UBE2U: variants seen among roughly 807,000 people sequenced by gnomAD.
The protein encoded by UBE2U is ubiquitin-conjugating enzyme E2 U.
A neutral mutation model predicts 41.2 loss-of-function variants in UBE2U; 39 were observed. That is an observed-to-expected ratio of 0.95 (90% CI 0.73 to 1.24). The LOEUF is 1.24. UBE2U is among the 50% of genes most tolerant of loss of function. The pLI, the probability that UBE2U is intolerant of heterozygous loss-of-function variation, is 0.00. For missense variants in UBE2U, 336 were observed against 363.1 expected (o/e 0.93, Z 0.61); for synonymous variants, 107 against 117.8 (o/e 0.91, Z 0.60).
At chr1:64,206,125 T>C (rs1279002342) in intron 2 of UBE2U, among the ~76,000 whole-genome samples, 1 of 152,166 alleles carries the variant, frequency 6.6e-6, no homozygotes, top group Non-Finnish European at 1.5e-5. Context: ...TCCCCCAAAT[T>C]TTCATAAATC....
chr1:64,266,555 A>G (rs1051565077), intron 9 of UBE2U, among the ~76,000 whole-genome samples: 1 of 152,202 alleles, frequency 6.6e-6, no homozygotes, highest in Non-Finnish European at 1.5e-5. Context: ...GCGCGGGAGA[A>G]TCCATTCTGA....
chr1:64,204,335 T>G (rs1651155130), intron 1 of UBE2U, among the ~76,000 whole-genome samples: 1 of 152,224 alleles, frequency 6.6e-6, no homozygotes, highest in Non-Finnish European at 1.5e-5. Context: ...GAACATATTA[T>G]GCAGAGTAAT....
At chr1:64,263,218 T>C (rs946904537) in intron 9 of UBE2U, among the ~76,000 whole-genome samples, 1 of 152,182 alleles carries the variant, frequency 6.6e-6, no homozygotes, top group Non-Finnish European at 1.5e-5. Flanking sequence ...AATTTGATTA[T>C]TGTTCAGAAA....
chr1:64,228,413 C>G (rs1452928987), intron 6 of UBE2U, among the ~76,000 whole-genome samples: 1 of 152,128 alleles, frequency 6.6e-6, no homozygotes, highest in Non-Finnish European at 1.5e-5. Flanking sequence ...TGGACCCAAA[C>G]TTTGATGAGT....
chr1:64,239,045 AAAGAAGAAGAAGAAGAAG>A (rs552575122), intron 7 of UBE2U, among the ~76,000 whole-genome samples: 1 of 116,240 alleles, frequency 8.6e-6, no homozygotes. Context: ...CCCATCTCAA[AAAGAAGAAGAAGAAGAAG>A]AAGAGGAAGA....
At chr1:64,263,844 C>T (rs964842399) in intron 9 of UBE2U, among the ~76,000 whole-genome samples, 3 of 152,202 alleles carry the variant, frequency 2.0e-5, no homozygotes, top group African/African-American at 7.2e-5. Context: ...CACAGCCTCA[C>T]TTCACAGACA....
chr1:64,239,137 A>AG lies in UBE2U; in HGVS notation c.596-2514dup, dbSNP rs1557730449. On this transcript the variant is annotated intron_variant, in intron 7 of 9. Transcript: ENST00000371077. ...AAGAAGAAGAAGAAGAAGAAGAAGA[A>AG]GAAGAAGAAGAAGAAGAAGAAAGAA... Among the ~76,000 whole-genome samples, 57 of 28,426 alleles carry AG rather than the reference A, an allele frequency of 2.0e-3. 1 individual carries two copies. Among genetic ancestry groups the AG allele is most frequent in the Non-Finnish European group, 2.5e-3 (41 of 16,132 alleles). 18.6% of individuals were successfully genotyped at this position (28,426 alleles called of 152,430 possible). A position where few individuals can be genotyped will look rare whatever the true frequency, so the allele number is the denominator to read the frequency against.
intron 8 of UBE2U, among the ~76,000 whole-genome samples, chr1:64,246,546 T>C (rs975720190): frequency 6.6e-6 from 1 of 151,978 alleles, no homozygotes; most frequent in Non-Finnish European, 1.5e-5. Context: ...ACAAGTGAAT[T>C]AGCATTAGAA....
At chr1:64,205,943 T>C (rs1326121694) in intron 2 of UBE2U, among the ~76,000 whole-genome samples, 3 of 152,152 alleles carry the variant, frequency 2.0e-5, no homozygotes, top group Admixed American at 2.0e-4. Flanking sequence ...AAATTTGGGG[T>C]ATTTTTCTTT....
chr1:64,253,993 A>G (rs996939556), intron 8 of UBE2U, among the ~76,000 whole-genome samples: 11 of 152,296 alleles, frequency 7.2e-5, no homozygotes, highest in African/African-American at 2.2e-4. Context: ...GCCAAGACCC[A>G]TTGGTATGCT....
chr1:64,251,415 G>A (rs1645009090), intron 8 of UBE2U, among the ~76,000 whole-genome samples: 1 of 152,076 alleles, frequency 6.6e-6, no homozygotes, highest in Non-Finnish European at 1.5e-5. Flanking sequence ...AGAACTATAT[G>A]ATCCTCTCAA....
intron 6 of UBE2U, among the ~76,000 whole-genome samples, chr1:64,227,579 A>G (rs1157632380): frequency 6.6e-6 from 1 of 152,210 alleles, no homozygotes; most frequent in Non-Finnish European, 1.5e-5. Flanking sequence ...AGGTGGGCAG[A>G]TCATCTGAGG....
At chr1:64,244,491 CAT>C (rs1644888784) in intron 8 of UBE2U, 2 of 167,062 alleles carry the variant, frequency 1.2e-5, no homozygotes, top group East Asian at 1.9e-4. Context: ...CTGTTGGAAA[CAT>C]GTAAAATTTG....
chr1:64,224,153 G>A (rs1652691090), intron 6 of UBE2U, among the ~76,000 whole-genome samples: 1 of 151,906 alleles, frequency 6.6e-6, no homozygotes, highest in African/African-American at 2.4e-5. Context: ...AAAACTTGAG[G>A]GATACAGACA....
chr1:64,250,901 C>T (rs1271039701), intron 8 of UBE2U, among the ~76,000 whole-genome samples: 2 of 129,472 alleles, frequency 1.5e-5, no homozygotes, highest in Non-Finnish European at 3.1e-5. Context: ...CATCACACAC[C>T]AAGGCCTGTC....
At position 64,255,638 on chromosome 1, in the gene UBE2U, G is replaced by T. The variant is rs546656812; in HGVS notation, c.678-4965G>T. Among the ~76,000 whole-genome samples, 322 of 151,956 alleles carry T rather than the reference G, an allele frequency of 2.1e-3. 3 individuals carry two copies. Among genetic ancestry groups the T allele is most frequent in the African/African-American group, 7.4e-3 (309 of 41,494 alleles). On this transcript the variant is annotated intron_variant, in intron 8 of 9. Transcript: ENST00000371077. Reference sequence around the variant, plus strand: ...TCAACATACACAAATCAATAAATGTGATTCATCACATAAACAGAACTACTG... The same window carrying T: ...TCAACATACACAAATCAATAAATGTTATTCATCACATAAACAGAACTACTG...
chr1:64,224,181 C>T (rs1026167266), intron 6 of UBE2U, among the ~76,000 whole-genome samples: 1 of 152,096 alleles, frequency 6.6e-6, no homozygotes, highest in Non-Finnish European at 1.5e-5. Context: ...GTAACTTTTG[C>T]ATTTCATATT....
chr1:64,235,341 A>G (rs1391433638), intron 7 of UBE2U, among the ~76,000 whole-genome samples: 1 of 152,178 alleles, frequency 6.6e-6, no homozygotes, highest in Non-Finnish European at 1.5e-5. Flanking sequence ...TTCTTCTTCT[A>G]GGGAATTGTT....
At position 64,239,172 on chromosome 1, in the gene UBE2U, GAAGAAGAAGAAGAAGAAGAAA is replaced by G. The variant is rs1570085239; in HGVS notation, c.596-2479_596-2459del. On this transcript the variant is annotated intron_variant, in intron 7 of 9. Coordinates refer to ENST00000371077, the MANE Select transcript of UBE2U (RefSeq NM_001366232.2). ...GAAGAAGAAGAAAGAAGAAGAAGAA[GAAGAAGAAGAAGAAGAAGAAA>G]GCCCCAGACAAGGACAAGACTGGTG... Among the ~76,000 whole-genome samples, 4 of 95,742 alleles carry G rather than the reference GAAGAAGAAGAAGAAGAAGAAA, an allele frequency of 4.2e-5. No homozygotes were observed. In the East Asian group the frequency reaches 1.3e-3, roughly 32 times the overall value. The allele number at this position is 95,742 out of a possible 152,430, so 62.8% of individuals were successfully genotyped here.
Sources: gnomAD v4.1 joint callset for allele counts (sites outside exome capture counted in the v4.1 genomes callset) on GRCh38, gnomAD v4.1.1 for gene constraint, MANE v1.5 for transcripts, NCBI Gene and HGNC (gene_info 2026-07-23, HGNC 2026-07-21) for gene names.